INPP5D: variants seen among roughly 807,000 people sequenced by gnomAD.
INPP5D encodes the protein phosphatidylinositol 3,4,5-trisphosphate 5-phosphatase 1.
INPP5D carries 33 observed loss-of-function variants against 122.9 expected under a neutral mutation model. That is an observed-to-expected ratio of 0.27 (90% CI 0.20 to 0.36). INPP5D has a LOEUF of 0.36. Ranked by LOEUF, INPP5D falls within the 10% of genes least tolerant of loss-of-function variation. The pLI is 1.00. For missense variants in INPP5D, 1,053 were observed against 1,412.7 expected (o/e 0.75, Z 4.08); for synonymous variants, 584 against 576.2 (o/e 1.01, Z -0.19).
intron 5 of INPP5D, among the ~76,000 whole-genome samples, chr2:233,138,943 C>G (rs995300979): frequency 9.6e-5 from 14 of 145,568 alleles, no homozygotes; most frequent in African/African-American, 3.6e-4. Flanking sequence ...TTAGTAGAGA[C>G]GGGGGTTTCA....
chr2:233,148,704 A>G (rs138794266), intron 9 of INPP5D, among the ~76,000 whole-genome samples: 1 of 152,206 alleles, frequency 6.6e-6, no homozygotes, highest in Admixed American at 6.5e-5. Context: ...ATCTTTCTTC[A>G]TCTGGGTGGC....
chr2:233,062,425 G>A (rs1210483598), intron 1 of INPP5D, among the ~76,000 whole-genome samples: 10 of 152,238 alleles, frequency 6.6e-5, no homozygotes, highest in Admixed American at 6.5e-4. Context: ...TTTTCAGGAG[G>A]TAGACAGAGG....
chr2:233,204,808 G>A (rs897866368), intron 26 of INPP5D, 91 bp downstream of exon 26: 6 of 1,416,358 alleles, frequency 4.2e-6, no homozygotes, highest in African/African-American at 2.9e-5. Context: ...GTGTGTGCAT[G>A]TGTGTGTGCA....
chr2:233,092,137 C>T (rs1027947759), intron 2 of INPP5D, among the ~76,000 whole-genome samples: 9 of 152,194 alleles, frequency 5.9e-5, no homozygotes, highest in Admixed American at 6.5e-5. Context: ...GCGAGGTTGG[C>T]GCTGGGTCTG....
At chr2:233,077,545 G>C (rs564734043) in intron 1 of INPP5D, among the ~76,000 whole-genome samples, 49 of 151,702 alleles carry the variant, frequency 3.2e-4, no homozygotes, top group African/African-American at 1.0e-3. Flanking sequence ...TGTAATCCCA[G>C]CTACTTGAGA....
rs1187905559 is a variant in INPP5D, at chr2:233,105,468, A to G, written c.199-16639A>G. On this transcript the variant is annotated intron_variant, in intron 2 of 26. Transcript: ENST00000445964. This position sits in a 1 kb window ranked among gnomAD's most constrained non-coding sequence, Gnocchi z 4.0. ...GCTGAGTCTCCCGGAGCACCCTCCC[A>G]AGCTACTGTCCTCTCTTCACAAGCC... 6.6e-6 allele frequency among the ~76,000 whole-genome samples: 1 copy of G among 152,082 alleles called. No homozygotes were observed. The highest frequency in any genetic ancestry group is 2.4e-5 in the African/African-American group (1 of 41,392).
chr2:233,094,726 A>C (rs1378690447), intron 2 of INPP5D, among the ~76,000 whole-genome samples: 1 of 152,046 alleles, frequency 6.6e-6, no homozygotes, highest in East Asian at 1.9e-4. Flanking sequence ...ATTCAGAATC[A>C]GCGTTTGAAC....
At chr2:233,161,632 T>G in intron 10 of INPP5D, 92 bp from the exon 11 acceptor site, 1 of 1,445,828 alleles carries the variant, frequency 6.9e-7, no homozygotes, top group Non-Finnish European at 9.2e-7. Flanking sequence ...TACGCTCCTC[T>G]CAGTTTTCTT....
intron 2 of INPP5D, among the ~76,000 whole-genome samples, chr2:233,095,303 T>A (rs1230183345): frequency 5.3e-5 from 8 of 152,220 alleles, no homozygotes; most frequent in Admixed American, 1.3e-4. Context: ...AGGATCTCAC[T>A]GTGTTGCCCA....
At chr2:233,129,620 C>T (rs987985348) in intron 4 of INPP5D, among the ~76,000 whole-genome samples, 7 of 152,126 alleles carry the variant, frequency 4.6e-5, no homozygotes, top group Admixed American at 1.3e-4. Flanking sequence ...ACGGCAAAGT[C>T]GGCCACTTGC....
intron 6 of INPP5D, chr2:233,145,164 A>G (rs1693724960): frequency 1.1e-5 from 5 of 454,208 alleles, no homozygotes; most frequent in Middle Eastern, 3.3e-4. Context: ...CATGTCTAAC[A>G]TAGAATAGAT....
intron 9 of INPP5D, among the ~76,000 whole-genome samples, chr2:233,152,236 T>C (rs1380084940): frequency 2.6e-5 from 1 of 38,230 alleles, no homozygotes; most frequent in African/African-American, 1.6e-4. Flanking sequence ...TCCATGGTTA[T>C]TATGACAGAG....
At chr2:233,153,164 A>G (rs893892357) in intron 9 of INPP5D, among the ~76,000 whole-genome samples, 1 of 152,230 alleles carries the variant, frequency 6.6e-6, no homozygotes, top group Non-Finnish European at 1.5e-5. Context: ...TGATGGAATA[A>G]TAACCCTGAT....
At position 233,183,139 on chromosome 2, in the gene INPP5D, C is replaced by T. The variant is rs1694826162; in HGVS notation, c.2161+640C>T. On this transcript the variant is annotated intron_variant, in intron 19 of 26. Coordinates refer to ENST00000445964, the MANE Select transcript of INPP5D (RefSeq NM_001017915.3). This position sits in a 1 kb window ranked among gnomAD's most constrained non-coding sequence, Gnocchi z 4.6. ...TCAGCCCTGGTTGCCAGGCCACCCT[C>T]ATCCCAGCTGGGCCAGGTGTTCTCT... Among the ~76,000 whole-genome samples the T allele has an allele frequency of 6.6e-6, 1 of 152,190 alleles. No individual in the cohort carries two copies. Among genetic ancestry groups the T allele is most frequent in the African/African-American group, 2.4e-5 (1 of 41,452 alleles).
At chr2:233,114,311 T>G (rs568536310) in intron 2 of INPP5D, among the ~76,000 whole-genome samples, 30 of 152,224 alleles carry the variant, frequency 2.0e-4, no homozygotes, top group African/African-American at 7.0e-4. Flanking sequence ...TTCACCCACG[T>G]GGGGCCCTAT....
intron 1 of INPP5D, among the ~76,000 whole-genome samples, chr2:233,070,064 T>C (rs1299801014): frequency 2.6e-5 from 4 of 152,244 alleles, no homozygotes; most frequent in Non-Finnish European, 4.4e-5. Flanking sequence ...TTGCATTTGA[T>C]TGTGGTCACG....
At position 233,105,537 on chromosome 2, in the gene INPP5D, C is replaced by A. The variant is rs1692443682; in HGVS notation, c.199-16570C>A. On this transcript the variant is annotated intron_variant, in intron 2 of 26. Transcript: ENST00000445964. This position sits in a 1 kb window ranked among gnomAD's most constrained non-coding sequence, Gnocchi z 4.0. ...TTCTTAGTTGTTTATGGTTCTGTGTCTTGCTCCTTTGCTGGACTGTGGGCA... is the reference window on the plus strand; with the variant it reads ...TTCTTAGTTGTTTATGGTTCTGTGTATTGCTCCTTTGCTGGACTGTGGGCA... 6.6e-6 allele frequency among the ~76,000 whole-genome samples: 1 copy of A among 152,192 alleles called. No individual in the cohort carries two copies. The highest frequency in any genetic ancestry group is 2.1e-4 in the South Asian group (1 of 4,828).
chr2:233,203,975 T>G, intron 25 of INPP5D, 151 bp from the exon 26 acceptor site: 2 of 1,298,498 alleles, frequency 1.5e-6, no homozygotes, highest in South Asian at 1.9e-5. Flanking sequence ...AACAATTTGG[T>G]GCCATTCAGT....
At position 233,105,290 on chromosome 2, in the gene INPP5D, C is replaced by A. The variant is rs1046497245; in HGVS notation, c.199-16817C>A. On this transcript the variant is annotated intron_variant, in intron 2 of 26. Coordinates refer to ENST00000445964, the MANE Select transcript of INPP5D (RefSeq NM_001017915.3). This position sits in a 1 kb window ranked among gnomAD's most constrained non-coding sequence, Gnocchi z 4.0. Reference sequence around the variant, plus strand: ...GAACCTGGCTATGGTTGGAAACCGTCATTTCTATCTACACCTGTGCTTTGC... The same window carrying A: ...GAACCTGGCTATGGTTGGAAACCGTAATTTCTATCTACACCTGTGCTTTGC... Among the ~76,000 whole-genome samples the A allele has an allele frequency of 2.0e-5, 3 of 152,190 alleles. No homozygotes were observed. Among genetic ancestry groups the A allele is most frequent in the Non-Finnish European group, 4.4e-5 (3 of 68,034 alleles).
Sources: allele counts gnomAD v4.1 joint callset (sites outside exome capture counted in the v4.1 genomes callset), GRCh38; gene constraint gnomAD v4.1.1; non-coding constraint Gnocchi (gnomAD v3.1); transcripts MANE v1.5; gene names NCBI Gene and HGNC (gene_info 2026-07-23, HGNC 2026-07-21).